The following STK35 variants were observed in gnomAD, a reference collection of about 807,000 sequenced individuals.
The protein encoded by STK35 is serine/threonine kinase 35.
In STK35, 17 loss-of-function variants were observed where a neutral mutation model predicts 37.3. That is an observed-to-expected ratio of 0.46 (90% CI 0.31 to 0.68). STK35 has a LOEUF of 0.68. Ranked by LOEUF, STK35 falls within the 30% of genes least tolerant of loss-of-function variation. The pLI is 0.05. For synonymous variants in STK35, 385 were observed against 319.1 expected (o/e 1.21, Z -2.20); for missense variants, 595 against 746.7 (o/e 0.80, Z 2.37).
chr20:2,115,506 T>G (rs1190225410), intron 2 of STK35, among the ~76,000 whole-genome samples: 1 of 151,962 alleles, frequency 6.6e-6, no homozygotes, highest in Non-Finnish European at 1.5e-5. Flanking sequence ...AGGCCCAGCC[T>G]CTCCTCATCA....
intron 2 of STK35, among the ~76,000 whole-genome samples, chr20:2,115,508 T>A (rs2122551954): frequency 6.6e-6 from 1 of 152,136 alleles, no homozygotes; most frequent in South Asian, 2.1e-4. Flanking sequence ...GCCCAGCCTC[T>A]CCTCATCAGT....
chr20:2,118,371 GAGATCA>G lies in STK35; in HGVS notation c.*37+960_*37+965del, dbSNP rs562456953. 6.6e-4 allele frequency among the ~76,000 whole-genome samples: 101 copies of G among 152,296 alleles called. No individual in the cohort carries two copies. The East Asian group carries it at 0.015, about 23-fold the overall frequency. On this transcript the variant is annotated intron_variant, in intron 3 of 3. Coordinates refer to ENST00000381482, the MANE Select transcript of STK35 (RefSeq NM_080836.4). ...CAAGGTGGGCGGATCACGAGGTCAG[GAGATCA>G]AGACCATCCTGGCTAACACAGTGAA...
At chr20:2,130,635 G>T (rs1190612225) in intron 3 of STK35, among the ~76,000 whole-genome samples, 1 of 152,086 alleles carries the variant, frequency 6.6e-6, no homozygotes, top group African/African-American at 2.4e-5. Flanking sequence ...ATGATTGCTG[G>T]CTGTAAAATT....
intron 2 of STK35, among the ~76,000 whole-genome samples, chr20:2,112,970 CTG>C (rs1985648293): frequency 6.6e-6 from 1 of 152,136 alleles, no homozygotes; most frequent in African/African-American, 2.4e-5. Context: ...TATCCTGAAA[CTG>C]GGGAAATACC....
At position 2,103,141 on chromosome 20, in the gene STK35, G is replaced by C. The variant is rs1985439627; in HGVS notation, c.668G>C (p.Arg223Pro). The change falls in exon 2 of 4, where the codon CGC becomes CCC. Residue 223 changes from arginine to proline, a missense_variant. Arg to Pro is a moderately radical substitution (Grantham distance 103). This residue lies in a region of STK35 where 97 missense variants were observed against 146.4 expected (regional missense o/e 0.66). Coordinates refer to ENST00000381482, the MANE Select transcript of STK35 (RefSeq NM_080836.4). ...YGVVYEAVAGRSGARVAVKKI... is the reference protein window; with the variant it reads ...YGVVYEAVAGPSGARVAVKKI... ...GTGGTTTATGAGGCAGTGGCCGGGC[G>C]CAGCGGGGCCCGGGTGGCGGTCAAG... is the stretch of plus-strand genomic sequence containing the variant. 8.1e-6 allele frequency: 13 copies of C among 1,604,970 alleles called. No homozygotes were observed. Among genetic ancestry groups the C allele is most frequent in the Non-Finnish European group, 9.3e-6 (11 of 1,179,136 alleles).
chr20:2,108,387 G>C (rs943372852), intron 2 of STK35, among the ~76,000 whole-genome samples: 2 of 152,266 alleles, frequency 1.3e-5, no homozygotes, highest in Admixed American at 1.3e-4. Context: ...GCGGGCGCCT[G>C]TAATCCCAGC....
At position 2,106,868 on chromosome 20, in the gene STK35, G is replaced by C. The variant is rs191220935; in HGVS notation, c.892+3503G>C. 2.0e-5 allele frequency among the ~76,000 whole-genome samples: 3 copies of C among 152,336 alleles called. No individual in the cohort carries two copies. In the East Asian group the frequency reaches 5.8e-4, roughly 29 times the overall value. On this transcript the variant is annotated intron_variant, in intron 2 of 3. Transcript: ENST00000381482. ...AGGAATAGAAAGAGGTCTTAGATGT[G>C]TGACCTGGCTGCCTGTTTCACAAGG...
In STK35 at chr20:2,102,830, G is replaced by T. The variant is rs776232265; in HGVS notation, c.357G>T (p.Gly119=). ...CCGGACGGAGGGATGAGGCAGGGGG[G>T]GCCCGGGCAGCGCCGTTGCTGCTCC... ...PRAGRRDEAG[G]ARAAPLLLPP... is the part of the protein sequence containing the mutation. Residue 119 remains glycine (G), a synonymous_variant, in exon 2 of 4, where the codon GGG becomes GGT. Transcript: ENST00000381482. 18 of 1,530,610 alleles carry T rather than the reference G, an allele frequency of 1.2e-5. No homozygotes were observed. The highest frequency in any genetic ancestry group is 5.9e-5 in the Admixed American group (3 of 50,522). The allele number at this position is 1,530,610 out of a possible 1,614,324, so 94.8% of individuals were successfully genotyped here.
intron 3 of STK35, among the ~76,000 whole-genome samples, chr20:2,130,481 T>C (rs1384819356): frequency 1.3e-5 from 2 of 152,234 alleles, no homozygotes; most frequent in Admixed American, 6.5e-5. Context: ...GTTTTTGTAC[T>C]GTTTTGCTTT....
At chr20:2,116,550 C>T (rs1985720634) in intron 2 of STK35, 116 bp from the exon 3 acceptor site, 1 of 1,152,014 alleles carries the variant, frequency 8.7e-7, no homozygotes. Context: ...GTGCAGGTCC[C>T]CTTGGAGCAG....
At chr20:2,140,028 ATT>A (rs1418309792) in intron 3 of STK35, among the ~76,000 whole-genome samples, 4 of 152,170 alleles carry the variant, frequency 2.6e-5, no homozygotes, top group Non-Finnish European at 1.5e-5. Flanking sequence ...AAAACTTTGG[ATT>A]AAGTGCTGGT....
At chr20:2,132,439 G>A (rs1986016115) in intron 3 of STK35, among the ~76,000 whole-genome samples, 4 of 152,272 alleles carry the variant, frequency 2.6e-5, no homozygotes, top group Admixed American at 2.0e-4. Context: ...GGCTAGAGTA[G>A]AAAGCTAAAT....
chr20:2,102,638 A>C (rs1020878285), intron 1 of STK35, 130 bp from the exon 2 acceptor site: 2 of 823,096 alleles, frequency 2.4e-6, no homozygotes, highest in Non-Finnish European at 3.4e-6. Context: ...CCCCCGTTCA[A>C]TCAGCGGCGG....
At chr20:2,112,108 G>A (rs768213957) in intron 2 of STK35, among the ~76,000 whole-genome samples, 3 of 152,346 alleles carry the variant, frequency 2.0e-5, no homozygotes, top group African/African-American at 2.4e-5. Flanking sequence ...TTGAAGTGGC[G>A]TTGACTAAAA....
intron 2 of STK35, among the ~76,000 whole-genome samples, chr20:2,113,447 T>TA (rs1985657413): frequency 6.6e-6 from 1 of 152,206 alleles, no homozygotes; most frequent in South Asian, 2.1e-4. Context: ...CAGCTAGCCT[T>TA]AAGGTGCACA....
chr20:2,138,343 A>C (rs1454212764), intron 3 of STK35, among the ~76,000 whole-genome samples: 3 of 152,366 alleles, frequency 2.0e-5, no homozygotes, highest in East Asian at 3.9e-4. Flanking sequence ...AATGACCATT[A>C]ACATGAATGA....
chr20:2,129,735 C>A (rs1408059435), intron 3 of STK35, among the ~76,000 whole-genome samples: 1 of 152,074 alleles, frequency 6.6e-6, no homozygotes, highest in African/African-American at 2.4e-5. Context: ...TGAGGACCTG[C>A]CCAAGGCGGT....
intron 3 of STK35, among the ~76,000 whole-genome samples, chr20:2,141,647 A>G (rs973879095): frequency 2.0e-5 from 3 of 152,196 alleles, no homozygotes; most frequent in African/African-American, 7.2e-5. Flanking sequence ...GAAGAGGAAA[A>G]TCCAGTCACA....
In STK35 at chr20:2,117,983, GCT is replaced by G. The variant is rs1487837101; in HGVS notation, c.*37+571_*37+572del. 3.3e-5 allele frequency among the ~76,000 whole-genome samples: 5 copies of G among 152,076 alleles called. No individual in the cohort carries two copies. The highest frequency in any genetic ancestry group is 7.3e-5 in the Non-Finnish European group (5 of 68,028). On this transcript the variant is annotated intron_variant, in intron 3 of 3. Coordinates refer to ENST00000381482, the MANE Select transcript of STK35 (RefSeq NM_080836.4). This position sits in a 1 kb window ranked among gnomAD's most constrained non-coding sequence, Gnocchi z 4.4. ...GCCGAGTCTCCCTTTTTTTAGAAAC[GCT>G]CTTTCTCATCATTATAAATGCTCAC... is the stretch of plus-strand genomic sequence containing the variant.
Sources: allele counts gnomAD v4.1 joint callset (sites outside exome capture counted in the v4.1 genomes callset), GRCh38; gene constraint gnomAD v4.1.1; regional missense constraint gnomAD v4.1.1; non-coding constraint Gnocchi (gnomAD v3.1); transcripts MANE v1.5; gene names NCBI Gene and HGNC (gene_info 2026-07-23, HGNC 2026-07-21).